Variants in SFRP1 observed in about 807,000 individuals in gnomAD.
SFRP1 encodes the protein secreted frizzled related protein 1, also known as secreted frizzled-related protein 1.
Under a neutral mutation model 25.9 loss-of-function variants are expected in SFRP1, and 9 were observed. That is an observed-to-expected ratio of 0.35 (90% CI 0.21 to 0.61). The LOEUF (loss-of-function observed/expected upper bound fraction) is 0.61. Among genes scored for constraint, SFRP1 ranks in the 20% least tolerant of loss-of-function variants. The pLI is 0.78. For missense variants in SFRP1, 346 were observed against 418.2 expected, an observed-to-expected ratio of 0.83 and a Z score of 1.51; for synonymous variants, 178 against 174.0, an observed-to-expected ratio of 1.02 and a Z score of -0.18.
chr8:41,271,491 C>A, intron 2 of SFRP1: 1 of 189,476 alleles, frequency 5.3e-6, no homozygotes, highest in South Asian at 1.1e-4. Flanking sequence ...GGTTCTCATT[C>A]TTGTCATTAT....
intron 2 of SFRP1, among the ~76,000 whole-genome samples, chr8:41,291,698 T>C (rs1408558288): frequency 6.6e-6 from 1 of 152,076 alleles, no homozygotes; most frequent in Non-Finnish European, 1.5e-5. Context: ...CCATGACCAT[T>C]TTCTGGACAC....
At chr8:41,295,352 C>G (rs1803830321) in intron 2 of SFRP1, among the ~76,000 whole-genome samples, 1 of 150,884 alleles carries the variant, frequency 6.6e-6, no homozygotes, top group South Asian at 2.1e-4. Flanking sequence ...CAGAGGGAGA[C>G]TCCGTCTCAA....
intron 2 of SFRP1, among the ~76,000 whole-genome samples, chr8:41,301,808 G>A (rs537627960): frequency 6.6e-5 from 10 of 152,282 alleles, no homozygotes; most frequent in Admixed American, 3.9e-4. Context: ...TCCACAAACC[G>A]TGACTGGTTA....
intron 1 of SFRP1, chr8:41,306,857 T>A: frequency 6.3e-7 from 1 of 1,597,434 alleles, no homozygotes; most frequent in Non-Finnish European, 8.5e-7. Flanking sequence ...CCCCATCCCA[T>A]CACAGCCTTT....
intron 2 of SFRP1, among the ~76,000 whole-genome samples, chr8:41,300,549 T>C (rs749999943): frequency 6.6e-6 from 1 of 152,114 alleles, no homozygotes; most frequent in Non-Finnish European, 1.5e-5. Flanking sequence ...CAGAAGAAGC[T>C]AGAGAAAGTG....
chr8:41,303,541 G>A lies in SFRP1; in HGVS notation c.545-3C>T, dbSNP rs1803955002. 1.9e-6 allele frequency: 3 copies of A among 1,612,350 alleles called. No homozygotes were observed. Among genetic ancestry groups the A allele is most frequent in the Non-Finnish European group, 8.5e-7 (1 of 1,178,452 alleles). On this transcript the variant is annotated splice_polypyrimidine_tract_variant and splice_region_variant and intron_variant, in intron 1 of 2. Coordinates refer to ENST00000220772, the MANE Select transcript of SFRP1 (RefSeq NM_003012.5). Reference sequence around the variant, plus strand: ...ACAGGGAGGACACACCGTTGTGCCTGGGAAAGGAAGTAGGGAGAAACGGAA... The same window carrying A: ...ACAGGGAGGACACACCGTTGTGCCTAGGAAAGGAAGTAGGGAGAAACGGAA...
chr8:41,265,059 A>T lies in SFRP1; in HGVS notation c.*108T>A. ...ACAAGCCGACTGGATTACAATGTCC[A>T]CTACTGACAGGCGCAGTGCGTGTGT... On this transcript the variant is annotated 3_prime_UTR_variant, in exon 3 of 3. Coordinates refer to ENST00000220772, the MANE Select transcript of SFRP1 (RefSeq NM_003012.5). The T allele has an allele frequency of 1.4e-6, 1 of 731,214 alleles. No individual in the cohort carries two copies. The highest frequency in any genetic ancestry group is 2.2e-6 in the Non-Finnish European group (1 of 449,686). 45.3% of individuals were successfully genotyped at this position (731,214 alleles called of 1,614,324 possible). A position where few individuals can be genotyped will look rare whatever the true frequency, so the allele number is the denominator to read the frequency against.
At chr8:41,288,407 A>G (rs1348430145) in intron 2 of SFRP1, among the ~76,000 whole-genome samples, 2 of 151,810 alleles carry the variant, frequency 1.3e-5, no homozygotes, top group Admixed American at 6.6e-5. Flanking sequence ...GTGTGATGCT[A>G]TGCACCTGCA....
chr8:41,297,179 G>GCCTCTGA (rs1803854196), intron 2 of SFRP1, among the ~76,000 whole-genome samples: 1 of 152,134 alleles, frequency 6.6e-6, no homozygotes, highest in Admixed American at 6.5e-5. Context: ...AAGTAGCTGG[G>GCCTCTGA]ATTACAAGCG....
intron 2 of SFRP1, among the ~76,000 whole-genome samples, chr8:41,285,003 T>C (rs1218406515): frequency 6.6e-6 from 1 of 152,152 alleles, no homozygotes; most frequent in African/African-American, 2.4e-5. Flanking sequence ...AGCCCGACAC[T>C]CAGTCCCCTC....
intron 2 of SFRP1, among the ~76,000 whole-genome samples, chr8:41,272,581 C>A (rs1236486500): frequency 6.6e-6 from 1 of 152,132 alleles, no homozygotes; most frequent in African/African-American, 2.4e-5. Flanking sequence ...TGCACTCCAG[C>A]CTAGGTGACA....
At chr8:41,265,801 T>G (rs1193434415) in intron 2 of SFRP1, among the ~76,000 whole-genome samples, 1 of 152,024 alleles carries the variant, frequency 6.6e-6, no homozygotes, top group East Asian at 1.9e-4. Context: ...GAACAAAGCT[T>G]TTCATCTAGA....
rs1035717330 is a variant in SFRP1, at chr8:41,309,324, C to A, written c.-165G>T. 5.1e-5 allele frequency: 40 copies of A among 779,696 alleles called. No homozygotes were observed. Among genetic ancestry groups the A allele is most frequent in the Non-Finnish European group, 6.2e-5 (37 of 593,596 alleles). 48.3% of individuals were successfully genotyped at this position (779,696 alleles called of 1,614,324 possible). A position where few individuals can be genotyped will look rare whatever the true frequency, so the allele number is the denominator to read the frequency against. ...GCTGCCCGGTCCCCCCGGCCAGTGG[C>A]GGCCCTCGGCCTGCGGTCGGAGGCG... On this transcript the variant is annotated 5_prime_UTR_variant, in exon 1 of 3. Transcript: ENST00000220772.
chr8:41,288,024 C>A (rs1428780400), intron 2 of SFRP1, among the ~76,000 whole-genome samples: 1 of 151,808 alleles, frequency 6.6e-6, no homozygotes, highest in Non-Finnish European at 1.5e-5. Flanking sequence ...TCAAGACCAG[C>A]CTGGGCCACA....
At position 41,286,795 on chromosome 8, in the gene SFRP1, C is replaced by T. The variant is rs76754616; in HGVS notation, c.622+16666G>A. 4.3e-3 allele frequency among the ~76,000 whole-genome samples: 653 copies of T among 152,288 alleles called. 3 individuals are homozygous for T. Among genetic ancestry groups the T allele is most frequent in the Non-Finnish European group, 6.5e-3 (439 of 68,016 alleles). ...CTGGTGACCTAAAGAGATGGGGGCCCTAGCTGGCTCCTCCACCTTCTTCAG... is the reference window on the plus strand; with the variant it reads ...CTGGTGACCTAAAGAGATGGGGGCCTTAGCTGGCTCCTCCACCTTCTTCAG... On this transcript the variant is annotated intron_variant, in intron 2 of 2. Transcript: ENST00000220772.
At position 41,264,927 on chromosome 8, in the gene SFRP1, G is replaced by T; in HGVS notation, c.*240C>A. 1 of 480,666 alleles carries T rather than the reference G, an allele frequency of 2.1e-6. No individual in the cohort carries two copies. The allele number at this position is 480,666 out of a possible 1,614,324, so 29.8% of individuals were successfully genotyped here. On this transcript the variant is annotated 3_prime_UTR_variant, in exon 3 of 3. Transcript: ENST00000220772. The stretch of plus-strand genomic sequence containing the variant: ...GCAGTGGCTGCTGCTCCACATTGCG[G>T]ATCTTAAAAACCTTCCTAATCTAAA...
At chr8:41,308,200 T>G (rs913678509) in intron 1 of SFRP1, among the ~76,000 whole-genome samples, 6 of 152,248 alleles carry the variant, frequency 3.9e-5, no homozygotes, top group African/African-American at 1.4e-4. Context: ...TTTTGTTTTT[T>G]CCTCCCGTCT....
intron 2 of SFRP1, among the ~76,000 whole-genome samples, chr8:41,284,783 T>C (rs567974969): frequency 6.4e-4 from 97 of 152,314 alleles, no homozygotes; most frequent in African/African-American, 2.3e-3. Flanking sequence ...GAGCTGCTGG[T>C]AAGCGCAGGC....
chr8:41,307,227 CT>C (rs1804009260), intron 1 of SFRP1, among the ~76,000 whole-genome samples: 2 of 152,244 alleles, frequency 1.3e-5, no homozygotes, highest in South Asian at 4.1e-4. Flanking sequence ...GCTACCCTCA[CT>C]CCACTCCCAA....
Sources: gnomAD v4.1 joint callset for allele counts (sites outside exome capture counted in the v4.1 genomes callset) on GRCh38, gnomAD v4.1.1 for gene constraint, MANE v1.5 for transcripts, NCBI Gene and HGNC (gene_info 2026-07-23, HGNC 2026-07-21) for gene names.